Variants in MECOM observed in about 807,000 individuals in gnomAD.
MECOM encodes histone-lysine N-methyltransferase MECOM.
In MECOM, 13 loss-of-function variants were observed where a neutral mutation model predicts 116.3. The observed-to-expected ratio is 0.11, with a 90% CI of 0.07 to 0.18. MECOM has a LOEUF of 0.18. MECOM is among the 10% of genes least tolerant of loss of function. The pLI, the probability that MECOM is intolerant of heterozygous loss-of-function variation, is 1.00. For missense variants in MECOM, 1,299 were observed against 1,509.0 expected (o/e 0.86, Z 2.31); for synonymous variants, 528 against 535.2 (o/e 0.99, Z 0.19).
intron 1 of MECOM, among the ~76,000 whole-genome samples, chr3:169,385,246 A>G (rs1733129387): frequency 6.6e-6 from 1 of 152,122 alleles, no homozygotes; most frequent in Non-Finnish European, 1.5e-5. Context: ...GTTCCTGTGG[A>G]GACAAAATAC....
In MECOM at chr3:169,381,536, T is replaced by C; in HGVS notation, c.38-12A>G. 1 of 1,544,844 alleles carries C rather than the reference T, an allele frequency of 6.5e-7. No homozygotes were observed. Among genetic ancestry groups the C allele is most frequent in the Middle Eastern group, 1.7e-4 (1 of 5,744 alleles). ...TACACACTCATTATCTGTGAATAAA[T>C]AAGAACTTCATGAATTCCTTCTGAT... is the stretch of plus-strand genomic sequence containing the variant. On this transcript the variant is annotated splice_polypyrimidine_tract_variant and intron_variant, in intron 1 of 16. Coordinates refer to ENST00000651503, the MANE Select transcript of MECOM (RefSeq NM_004991.4).
chr3:169,369,610 AAAGT>A (rs1481824752), intron 2 of MECOM, among the ~76,000 whole-genome samples: 1 of 151,836 alleles, frequency 6.6e-6, no homozygotes, highest in Non-Finnish European at 1.5e-5. Context: ...TCAGCCACCC[AAAGT>A]GCTGGAATTA....
intron 1 of MECOM, among the ~76,000 whole-genome samples, chr3:169,583,767 ATTT>A (rs575566457): frequency 7.3e-6 from 1 of 137,330 alleles, no homozygotes. Context: ...CGTCTGGCTA[ATTT>A]TTTTTTTTTT....
At chr3:169,342,362 G>A (rs938977056) in intron 2 of MECOM, among the ~76,000 whole-genome samples, 1 of 151,880 alleles carries the variant, frequency 6.6e-6, no homozygotes, top group Non-Finnish European at 1.5e-5. Flanking sequence ...ACCCCTTACA[G>A]TATTTTACAA....
At chr3:169,540,964 C>T (rs1759993145) in intron 1 of MECOM, among the ~76,000 whole-genome samples, 1 of 152,226 alleles carries the variant, frequency 6.6e-6, no homozygotes, top group African/African-American at 2.4e-5. Context: ...CATCACTAAA[C>T]TGGGAGCCCT....
chr3:169,634,457 C>T (rs1480541463), intron 1 of MECOM, among the ~76,000 whole-genome samples: 1 of 152,206 alleles, frequency 6.6e-6, no homozygotes, highest in African/African-American at 2.4e-5. Flanking sequence ...CTAACTCAGA[C>T]CATCTATTTC....
chr3:169,595,394 G>A (rs546720970), intron 1 of MECOM, among the ~76,000 whole-genome samples: 3 of 152,148 alleles, frequency 2.0e-5, no homozygotes, highest in African/African-American at 7.2e-5. Context: ...TTATGTGATC[G>A]AGAAATGCCC....
intron 1 of MECOM, among the ~76,000 whole-genome samples, chr3:169,635,824 A>G (rs958958295): frequency 6.6e-6 from 1 of 152,208 alleles, no homozygotes; most frequent in African/African-American, 2.4e-5. Context: ...CACTAATATA[A>G]TGCCAGATTT....
intron 2 of MECOM, among the ~76,000 whole-genome samples, chr3:169,202,664 C>T (rs1749318085): frequency 6.6e-6 from 1 of 151,654 alleles, no homozygotes; most frequent in Admixed American, 6.6e-5. Context: ...TGGTACAGTT[C>T]CACCTAACCA....
chr3:169,184,018 C>T (rs758562251), intron 2 of MECOM, among the ~76,000 whole-genome samples: 4 of 151,844 alleles, frequency 2.6e-5, no homozygotes, highest in Non-Finnish European at 5.9e-5. Flanking sequence ...GCACCCGCCA[C>T]CACACCCGGC....
intron 2 of MECOM, among the ~76,000 whole-genome samples, chr3:169,267,968 C>A (rs1429725485): frequency 6.6e-6 from 1 of 152,038 alleles, no homozygotes; most frequent in Admixed American, 6.5e-5. Flanking sequence ...GAAGATGTCC[C>A]CTGATGGCCA....
At chr3:169,470,925 C>T (rs1254825844) in intron 1 of MECOM, among the ~76,000 whole-genome samples, 1 of 152,026 alleles carries the variant, frequency 6.6e-6, no homozygotes, top group Non-Finnish European at 1.5e-5. Context: ...GCCTAATGTC[C>T]TTTTGTTTTA....
At chr3:169,548,756 G>A (rs983187869) in intron 1 of MECOM, among the ~76,000 whole-genome samples, 3 of 152,168 alleles carry the variant, frequency 2.0e-5, no homozygotes, top group Non-Finnish European at 4.4e-5. Flanking sequence ...AGAACAGGAG[G>A]AGAGACAAGT....
intron 2 of MECOM, among the ~76,000 whole-genome samples, chr3:169,322,889 G>A (rs956213807): frequency 1.4e-4 from 19 of 139,956 alleles, no homozygotes; most frequent in East Asian, 2.3e-4. Context: ...TCCCAGCTAC[G>A]TGGGAGGCTG....
chr3:169,415,225 T>A (rs559365907), intron 1 of MECOM, among the ~76,000 whole-genome samples: 2 of 152,260 alleles, frequency 1.3e-5, no homozygotes, highest in East Asian at 3.9e-4. Context: ...TGGAGGCCAA[T>A]ATTCAACATT....
Position 169,159,053 on chromosome 3 carries a change from C to T in MECOM, c.376-15221G>A, listed in dbSNP as rs574616865. On this transcript the variant is annotated intron_variant, in intron 2 of 16. Transcript: ENST00000651503. ...TGATGGGCTGAACATGGTAAACTGCCATAATGAGGTAGGAAGTTTTCTTCC... is the reference window on the plus strand; with the variant it reads ...TGATGGGCTGAACATGGTAAACTGCTATAATGAGGTAGGAAGTTTTCTTCC... Among the ~76,000 whole-genome samples, 11 of 152,246 alleles carry T rather than the reference C, an allele frequency of 7.2e-5. No homozygotes were observed. The South Asian group carries it at 8.3e-4, about 11-fold the overall frequency.
At chr3:169,541,938 T>C (rs1413117986) in intron 1 of MECOM, among the ~76,000 whole-genome samples, 1 of 152,220 alleles carries the variant, frequency 6.6e-6, no homozygotes, top group Admixed American at 6.5e-5. Flanking sequence ...TTTACATAGA[T>C]ATATGGGTCT....
intron 1 of MECOM, among the ~76,000 whole-genome samples, chr3:169,634,884 C>G (rs1028719519): frequency 8.6e-5 from 13 of 152,010 alleles, no homozygotes; most frequent in African/African-American, 2.9e-4. Context: ...AAAAAGTAAA[C>G]ACGGCTTCTT....
intron 1 of MECOM, among the ~76,000 whole-genome samples, chr3:169,449,395 A>G (rs550804330): frequency 6.6e-6 from 1 of 152,166 alleles, no homozygotes; most frequent in Non-Finnish European, 1.5e-5. Flanking sequence ...TATTAGGGCA[A>G]TCACTGAGGT....
Sources: gnomAD v4.1 joint callset for allele counts (sites outside exome capture counted in the v4.1 genomes callset) on GRCh38, gnomAD v4.1.1 for gene constraint, MANE v1.5 for transcripts, NCBI Gene and HGNC (gene_info 2026-07-23, HGNC 2026-07-21) for gene names.